Variants in USP24 observed in about 807,000 individuals in gnomAD.
USP24 encodes ubiquitin specific peptidase 24.
Under a neutral mutation model 361.6 loss-of-function variants are expected in USP24, and 97 were observed. The observed-to-expected ratio is 0.27, with a 90% CI of 0.23 to 0.32. The LOEUF (loss-of-function observed/expected upper bound fraction) is 0.32. Among genes scored for constraint, USP24 ranks in the 10% least tolerant of loss-of-function variants. The pLI, the probability that USP24 is intolerant of heterozygous loss-of-function variation, is 1.00. For missense variants in USP24, 2,353 were observed against 3,165.6 expected (o/e 0.74, Z 6.16); for synonymous variants, 1,098 against 1,124.6 (o/e 0.98, Z 0.47).
At chr1:55,171,785 G>A in intron 4 of USP24, 107 bp from the exon 5 acceptor site, 1 of 1,261,676 alleles carries the variant, frequency 7.9e-7, no homozygotes. Flanking sequence ...CTCATTAATG[G>A]GATCTTTCAA....
chr1:55,159,543 C>G, intron 9 of USP24, 68 bp downstream of exon 9: 1 of 1,371,322 alleles, frequency 7.3e-7, no homozygotes, highest in Non-Finnish European at 1.0e-6. Flanking sequence ...GTGAACCCTG[C>G]TAAGTCCTGG....
At position 55,097,073 on chromosome 1, in the gene USP24, C is replaced by T; in HGVS notation, c.5815G>A (p.Gly1939Ser). The T allele has an allele frequency of 6.2e-7, 1 of 1,613,920 alleles. No homozygotes were observed. Among genetic ancestry groups the T allele is most frequent in the South Asian group, 1.1e-5 (1 of 91,066 alleles). The change falls in exon 49 of 68, where the codon GGC (glycine) becomes AGC (serine). Residue 1939 changes from glycine (G) to serine (S), a missense_variant. Coordinates refer to ENST00000294383, the MANE Select transcript of USP24 (RefSeq NM_015306.3). Reference sequence around the variant, plus strand: ...TTTTTTCGTGGGGATCCTCCACCGCCCTGATCCACACTTCGCCCATTTTCC... The same window carrying T: ...TTTTTTCGTGGGGATCCTCCACCGCTCTGATCCACACTTCGCCCATTTTCC... ...VGENGRSVDQ[G>S]GGGSPRKKVA...
intron 5 of USP24, among the ~76,000 whole-genome samples, chr1:55,170,604 T>C (rs1278786393): frequency 6.6e-6 from 1 of 152,134 alleles, no homozygotes; most frequent in African/African-American, 2.4e-5. Flanking sequence ...GGGGTAAAAA[T>C]AGTACCCAAC....
intron 1 of USP24, among the ~76,000 whole-genome samples, chr1:55,181,519 T>C (rs1281708933): frequency 6.6e-6 from 1 of 152,232 alleles, no homozygotes; most frequent in Non-Finnish European, 1.5e-5. Flanking sequence ...TAGTTTTAAA[T>C]CTGCACACAT....
In USP24 at chr1:55,106,759, G is replaced by A. The variant is rs111605776; in HGVS notation, c.4762+480C>T. On this transcript the variant is annotated intron_variant, in intron 40 of 67. Coordinates refer to ENST00000294383, the MANE Select transcript of USP24 (RefSeq NM_015306.3). ...CTTGGTTTGTGTTATAAAAGAGAGAGTTAATTTTTCATTTGTCTTCTGAAT... is the reference window on the plus strand; with the variant it reads ...CTTGGTTTGTGTTATAAAAGAGAGAATTAATTTTTCATTTGTCTTCTGAAT... Among the ~76,000 whole-genome samples the A allele has an allele frequency of 8.8e-3, 1,337 of 152,226 alleles. 10 individuals carry two copies. The highest frequency in any genetic ancestry group is 0.011 in the Non-Finnish European group (716 of 68,006).
intron 55 of USP24, 71 bp downstream of exon 55, chr1:55,089,554 TTA>T (rs1645329204): frequency 1.0e-6 from 1 of 980,306 alleles, no homozygotes; most frequent in Non-Finnish European, 1.5e-6. Context: ...ATAAAAAGGG[TTA>T]TAAGAAACTT....
chr1:55,140,223 A>C (rs1382700887), intron 24 of USP24, among the ~76,000 whole-genome samples: 2 of 152,128 alleles, frequency 1.3e-5, no homozygotes, highest in Non-Finnish European at 2.9e-5. Context: ...AGTAAAGAGA[A>C]AAAAACAAAA....
intron 38 of USP24, among the ~76,000 whole-genome samples, chr1:55,115,504 A>AAAAAAAAAG: frequency 6.7e-6 from 1 of 148,886 alleles, no homozygotes; most frequent in East Asian, 2.0e-4. Context: ...TCAAAAAAAA[A>AAAAAAAAAG]AAAAAAAAAA....
intron 1 of USP24, among the ~76,000 whole-genome samples, chr1:55,188,878 T>C (rs1445177538): frequency 6.8e-6 from 1 of 148,120 alleles, no homozygotes; most frequent in African/African-American, 2.5e-5. Context: ...GAGGATTGCT[T>C]GAACCTGGGA....
chr1:55,074,104 GT>G (rs1408967664), intron 63 of USP24, among the ~76,000 whole-genome samples, 198 bp from the exon 64 acceptor site: 50 of 28,334 alleles, frequency 1.8e-3, no homozygotes, highest in Non-Finnish European at 3.2e-3. Context: ...CTTTAAGTAT[GT>G]TTAAAAAAAA....
intron 54 of USP24, among the ~76,000 whole-genome samples, chr1:55,090,126 T>A (rs1645342980): frequency 6.6e-6 from 1 of 152,194 alleles, no homozygotes; most frequent in African/African-American, 2.4e-5. Flanking sequence ...CAGAATAGCT[T>A]ACATTGACAT....
Position 55,078,639 on chromosome 1 carries a change from A to C in USP24, c.7213T>G (p.Leu2405Val). The change falls in exon 61 of 68, where the codon TTG (leucine) becomes GTG (valine). Residue 2405 changes from leucine (L) to valine (V), a missense_variant. Physicochemically the swap from Leu to Val is conservative, Grantham distance 32. Around this residue, in one of 8 missense-constraint regions of USP24, gnomAD observed 598 missense variants for 761.9 expected, o/e 0.78. Coordinates refer to ENST00000294383, the MANE Select transcript of USP24 (RefSeq NM_015306.3). ...KPYLLEVMFA[L>V]RELTGSLLAL... Reference sequence around the variant, plus strand: ...AAGAGCGAGCCTGTCAGCTCCCGCAAAGCAAACATTACCTGGTGGGAAGAC... The same window carrying C: ...AAGAGCGAGCCTGTCAGCTCCCGCACAGCAAACATTACCTGGTGGGAAGAC... The C allele has an allele frequency of 6.2e-7, 1 of 1,607,180 alleles. No individual in the cohort carries two copies. Among genetic ancestry groups the C allele is most frequent in the East Asian group, 2.2e-5 (1 of 44,716 alleles).
Position 55,165,941 on chromosome 1 carries a change from A to G in USP24, c.871T>C (p.Leu291=). Residue 291 remains leucine (L), a synonymous_variant, in exon 7 of 68, where the codon TTA becomes CTA. Transcript: ENST00000294383. ...VVDLVNKFGE[L]GGFAAIQAKL... is the part of the protein sequence containing the mutation. The stretch of plus-strand genomic sequence containing the variant: ...GCTTGGATTGCTGCAAATCCACCTA[A>G]TTCTCCAAACTGAGAAGAAAAAAGG... The G allele has an allele frequency of 3.1e-6, 5 of 1,607,114 alleles. No individual in the cohort carries two copies. The highest frequency in any genetic ancestry group is 4.3e-6 in the Non-Finnish European group (5 of 1,176,274).
chr1:55,072,695 G>C (rs1473218418), intron 65 of USP24, 91 bp downstream of exon 65: 3 of 1,233,502 alleles, frequency 2.4e-6, no homozygotes, highest in Non-Finnish European at 3.4e-6. Context: ...TTTAAGGTCA[G>C]TCTCCATATT....
At chr1:55,142,667 T>A (rs1646922827) in intron 23 of USP24, 75 bp downstream of exon 23, 1 of 1,046,962 alleles carries the variant, frequency 9.6e-7, no homozygotes, top group African/African-American at 1.7e-5. Flanking sequence ...CATTATAAAT[T>A]ATCTAAAAAT....
intron 61 of USP24, 52 bp downstream of exon 61, chr1:55,078,486 A>G: frequency 6.9e-7 from 1 of 1,454,630 alleles, no homozygotes; most frequent in Non-Finnish European, 9.4e-7. Flanking sequence ...ATGCTCTCCT[A>G]GAGTCTCACT....
intron 7 of USP24, 58 bp downstream of exon 7, chr1:55,165,827 T>C: frequency 2.1e-6 from 3 of 1,452,674 alleles, no homozygotes; most frequent in Middle Eastern, 1.8e-4. Context: ...CCTCTGGCTG[T>C]ACACCAACTC....
At chr1:55,153,474 T>C (rs892233898) in intron 16 of USP24, among the ~76,000 whole-genome samples, 5 of 152,160 alleles carry the variant, frequency 3.3e-5, no homozygotes, top group Non-Finnish European at 5.9e-5. Context: ...ACCTCCTTCC[T>C]TTCTCTCTCT....
At chr1:55,131,028 G>A (rs2100643684) in intron 31 of USP24, among the ~76,000 whole-genome samples, 1 of 152,262 alleles carries the variant, frequency 6.6e-6, no homozygotes, top group Admixed American at 6.5e-5. Context: ...TTAGATAGTT[G>A]ATGACAAGCT....
Sources: allele counts gnomAD v4.1 joint callset (sites outside exome capture counted in the v4.1 genomes callset), GRCh38; gene constraint gnomAD v4.1.1; regional missense constraint gnomAD v4.1.1; transcripts MANE v1.5; gene names NCBI Gene and HGNC (gene_info 2026-07-23, HGNC 2026-07-21).